The following SH3D19 variants were observed in gnomAD, a reference collection of about 807,000 sequenced individuals.
The protein encoded by SH3D19 is SH3 domain containing 19, also known as SH3 domain-containing protein 19.
A neutral mutation model predicts 112.1 loss-of-function variants in SH3D19; 58 were observed. The observed-to-expected ratio is 0.52, with a 90% CI of 0.42 to 0.64. The LOEUF (loss-of-function observed/expected upper bound fraction) is 0.64, where lower values mean the gene tolerates loss of function less well. Ranked by LOEUF, SH3D19 falls within the 30% of genes least tolerant of loss-of-function variation. SH3D19 has a pLI of 0.00. For missense variants in SH3D19, 1,090 were observed against 1,263.4 expected, an observed-to-expected ratio of 0.86 and a Z score of 2.08; for synonymous variants, 391 against 448.5, an observed-to-expected ratio of 0.87 and a Z score of 1.62.
At chr4:151,246,664 C>T (rs1038631962) in intron 1 of SH3D19, among the ~76,000 whole-genome samples, 10 of 152,090 alleles carry the variant, frequency 6.6e-5, no homozygotes, top group Non-Finnish European at 1.3e-4. Context: ...TGATCATATT[C>T]GACATTGTCA....
chr4:151,187,544 G>T, intron 2 of SH3D19, 81 bp from the exon 3 acceptor site: 1 of 779,644 alleles, frequency 1.3e-6, no homozygotes, highest in Non-Finnish European at 1.7e-6. Context: ...TCATTTCTGG[G>T]ATTCAATATG....
intron 11 of SH3D19, 26 bp from the exon 12 acceptor site, chr4:151,144,076 A>G (rs1753489827): frequency 6.3e-7 from 1 of 1,595,682 alleles, no homozygotes; most frequent in Non-Finnish European, 8.5e-7. Context: ...CCACTCTCTG[A>G]AGCAATTATT....
intron 1 of SH3D19, chr4:151,282,022 G>A: frequency 1.1e-6 from 1 of 928,462 alleles, no homozygotes; most frequent in Non-Finnish European, 1.7e-6. Context: ...GTTGAAGTTG[G>A]AAGCACCATG....
intron 1 of SH3D19, among the ~76,000 whole-genome samples, chr4:151,241,152 C>T (rs1303654475): frequency 4.0e-5 from 6 of 151,608 alleles, no homozygotes; most frequent in East Asian, 1.9e-4. Flanking sequence ...ACTAGCCAGC[C>T]GTGGTGGCAC....
Position 151,149,543 on chromosome 4 carries a change from G to T in SH3D19, c.1774C>A (p.Gln592Lys). ...TRNLESNHPG[Q>K]TGGFVRVPPR... ...GGTACTCGCACAAAACCTCCTGTTTGACCTGGGTGGTTGGATTCCTGCAAG... is the reference window on the plus strand; with the variant it reads ...GGTACTCGCACAAAACCTCCTGTTTTACCTGGGTGGTTGGATTCCTGCAAG... The change falls in exon 10 of 20, where the codon CAA (glutamine) becomes AAA (lysine). Residue 592 changes from glutamine (Q) to lysine (K), a missense_variant. Physicochemically the swap from Gln to Lys is moderately conservative, Grantham distance 53. Transcript: ENST00000604030. 6.2e-7 allele frequency: 1 copy of T among 1,611,692 alleles called. No individual in the cohort carries two copies. Among genetic ancestry groups the T allele is most frequent in the South Asian group, 1.1e-5 (1 of 90,462 alleles).
At position 151,143,152 on chromosome 4, in the gene SH3D19, G is replaced by A. The variant is rs532392834; in HGVS notation, c.2223+758C>T. Reference sequence around the variant, plus strand: ...CTCAGGAGGCTGAGGTGGGAGGATTGCTTGAGCCGGGAAGGTCAAGGCTGT... The same window carrying A: ...CTCAGGAGGCTGAGGTGGGAGGATTACTTGAGCCGGGAAGGTCAAGGCTGT... On this transcript the variant is annotated intron_variant, in intron 12 of 19. Coordinates refer to ENST00000604030, the MANE Select transcript of SH3D19 (RefSeq NM_001378122.1). Among the ~76,000 whole-genome samples the A allele has an allele frequency of 7.3e-5, 11 of 151,698 alleles. No homozygotes were observed. In the East Asian group the frequency reaches 1.4e-3, roughly 19 times the overall value.
At chr4:151,147,290 T>A (rs960872966) in intron 11 of SH3D19, among the ~76,000 whole-genome samples, 13 of 152,164 alleles carry the variant, frequency 8.5e-5, no homozygotes, top group African/African-American at 3.1e-4. Flanking sequence ...AAACAAAAGA[T>A]ATAAACTATA....
rs528957297 is a variant in SH3D19 at position 151,269,849 on chromosome 4, AAAAC to A, written c.113-43767_113-43764del. On this transcript the variant is annotated intron_variant, in intron 1 of 19. Transcript: ENST00000604030. ...TTAAGCTTTTCTTTAAAAAAAAACA[AAAAC>A]AAAAAAACTAAGACACAAGCACACA... 3.2e-4 allele frequency among the ~76,000 whole-genome samples: 48 copies of A among 152,152 alleles called. No individual in the cohort carries two copies. The South Asian group carries it at 9.9e-3, about 32-fold the overall frequency.
intron 12 of SH3D19, among the ~76,000 whole-genome samples, chr4:151,143,058 G>A (rs1753286105): frequency 6.6e-6 from 1 of 152,076 alleles, no homozygotes; most frequent in Admixed American, 6.6e-5. Context: ...GCAACATAGT[G>A]AGACCCTGTC....
chr4:151,287,659 C>T (rs1774942642), intron 1 of SH3D19, among the ~76,000 whole-genome samples: 1 of 152,124 alleles, frequency 6.6e-6, no homozygotes, highest in Non-Finnish European at 1.5e-5. Context: ...CTTTGAGAGG[C>T]CAAGACGGGA....
chr4:151,142,872 ACT>A (rs1232913027), intron 12 of SH3D19, among the ~76,000 whole-genome samples: 1 of 152,200 alleles, frequency 6.6e-6, no homozygotes, highest in Non-Finnish European at 1.5e-5. Context: ...TCAGAGGCCA[ACT>A]CTCTGCAAGT....
chr4:151,309,660 T>A (rs1228141695), intron 1 of SH3D19, among the ~76,000 whole-genome samples: 1 of 152,166 alleles, frequency 6.6e-6, no homozygotes, highest in Non-Finnish European at 1.5e-5. Flanking sequence ...CACAATTAGA[T>A]ACCATCTCAC....
chr4:151,252,406 C>T (rs1771487275), intron 1 of SH3D19, among the ~76,000 whole-genome samples: 1 of 132,134 alleles, frequency 7.6e-6, no homozygotes, highest in African/African-American at 2.5e-5. Context: ...GGCAGCCTAT[C>T]ACTTTCCTCC....
At chr4:151,275,446 C>T (rs1300421636) in intron 1 of SH3D19, among the ~76,000 whole-genome samples, 2 of 152,170 alleles carry the variant, frequency 1.3e-5, no homozygotes, top group African/African-American at 4.8e-5. Flanking sequence ...AAAATAATCT[C>T]CTCTTGATTT....
intron 1 of SH3D19, among the ~76,000 whole-genome samples, chr4:151,273,744 T>C (rs1393454633): frequency 1.3e-5 from 2 of 152,002 alleles, no homozygotes; most frequent in Non-Finnish European, 2.9e-5. Context: ...AAATGAATAA[T>C]AAGCTACCTT....
chr4:151,188,895 G>A (rs1017565497), intron 2 of SH3D19, among the ~76,000 whole-genome samples: 2 of 152,070 alleles, frequency 1.3e-5, no homozygotes, highest in African/African-American at 4.8e-5. Flanking sequence ...CACTGGAGTT[G>A]GATGGGCCCC....
chr4:151,126,377 T>C (rs1749325573), intron 19 of SH3D19, among the ~76,000 whole-genome samples: 1 of 152,246 alleles, frequency 6.6e-6, no homozygotes, highest in Non-Finnish European at 1.5e-5. Context: ...AATTTACCAC[T>C]GCCTGACACA....
chr4:151,261,240 C>G (rs1772357023), intron 1 of SH3D19: 1 of 152,100 alleles, frequency 6.6e-6, no homozygotes, highest in African/African-American at 2.4e-5. Flanking sequence ...CACAAGAAAC[C>G]CACGGTATCT....
chr4:151,133,303 T>C lies in SH3D19; in HGVS notation c.2487-67A>G, dbSNP rs942047228. 4.7e-6 allele frequency: 6 copies of C among 1,275,696 alleles called. No individual in the cohort carries two copies. In the African/African-American group the frequency reaches 7.4e-5, roughly 16 times the overall value. The allele number at this position is 1,275,696 out of a possible 1,614,324, so 79.0% of individuals were successfully genotyped here. On this transcript the variant is annotated intron_variant, in intron 15 of 19. Coordinates refer to ENST00000604030, the MANE Select transcript of SH3D19 (RefSeq NM_001378122.1). ...TTTTAAAATGCTTAAAAACCTTCAT[T>C]CAGTCTTTCAATAAATATTTATTCT...
Sources: allele counts gnomAD v4.1 joint callset (sites outside exome capture counted in the v4.1 genomes callset), GRCh38; gene constraint gnomAD v4.1.1; transcripts MANE v1.5; gene names NCBI Gene and HGNC (gene_info 2026-07-23, HGNC 2026-07-21).